Variants in SLC24A3 observed in about 807,000 individuals in gnomAD.
SLC24A3 encodes the protein sodium/potassium/calcium exchanger 3.
SLC24A3 carries 28 observed loss-of-function variants against 75.8 expected under a neutral mutation model. That is an observed-to-expected ratio of 0.37 (90% CI 0.27 to 0.51). The LOEUF (loss-of-function observed/expected upper bound fraction) is 0.51. Ranked by LOEUF, SLC24A3 falls within the 20% of genes least tolerant of loss-of-function variation. SLC24A3 has a pLI of 0.94. For synonymous variants in SLC24A3, 372 were observed against 334.1 expected (o/e 1.11, Z -1.24); for missense variants, 663 against 847.8 (o/e 0.78, Z 2.71).
chr20:19,696,411 T>C (rs1469837934), intron 13 of SLC24A3: 2 of 171,050 alleles, frequency 1.2e-5, no homozygotes, highest in Non-Finnish European at 2.5e-5. Context: ...CTCCCTGACA[T>C]GGACGCTCAA....
At chr20:19,672,763 T>G (rs1279764854) in intron 8 of SLC24A3, among the ~76,000 whole-genome samples, 2 of 152,196 alleles carry the variant, frequency 1.3e-5, no homozygotes, top group African/African-American at 4.8e-5. Context: ...GGAAAAACCC[T>G]TGTGTATGTA....
chr20:19,374,666 A>G (rs968391126), intron 2 of SLC24A3, among the ~76,000 whole-genome samples: 1 of 152,162 alleles, frequency 6.6e-6, no homozygotes. Flanking sequence ...TCTTTTCTCA[A>G]TGTGAAGCTC....
chr20:19,654,396 G>A (rs538687198), intron 7 of SLC24A3, among the ~76,000 whole-genome samples: 31 of 152,054 alleles, frequency 2.0e-4, no homozygotes, highest in African/African-American at 7.2e-4. Context: ...TGAGACCCTC[G>A]TGAGCATGGC....
chr20:19,666,404 G>A (rs538752339), intron 8 of SLC24A3, among the ~76,000 whole-genome samples: 47 of 152,144 alleles, frequency 3.1e-4, no homozygotes, highest in African/African-American at 1.0e-3. Context: ...TACTCAAGAG[G>A]CTGAGGCAGG....
rs1051752192 is a variant in SLC24A3, at chr20:19,689,011, A to T, written c.1324+3650A>T. 3.9e-5 allele frequency among the ~76,000 whole-genome samples: 6 copies of T among 152,318 alleles called. No homozygotes were observed. In the East Asian group the frequency reaches 1.2e-3, roughly 29 times the overall value. Reference sequence around the variant, plus strand: ...ATACATCTACACTTGGTATATGCACATACATACATATAAACGTGCAGCTAT... The same window carrying T: ...ATACATCTACACTTGGTATATGCACTTACATACATATAAACGTGCAGCTAT... On this transcript the variant is annotated intron_variant, in intron 12 of 16. Transcript: ENST00000328041.
intron 3 of SLC24A3, among the ~76,000 whole-genome samples, chr20:19,520,025 C>A (rs575976826): frequency 6.6e-6 from 1 of 152,140 alleles, no homozygotes; most frequent in South Asian, 2.1e-4. Context: ...CCTTGCTTTC[C>A]GATTTTTAAT....
chr20:19,291,615 A>C (rs1387756139), intron 2 of SLC24A3, among the ~76,000 whole-genome samples: 2 of 152,146 alleles, frequency 1.3e-5, no homozygotes, highest in Non-Finnish European at 2.9e-5. Flanking sequence ...TGTCTATAAT[A>C]GAACAATAAA....
intron 2 of SLC24A3, among the ~76,000 whole-genome samples, chr20:19,510,365 G>A (rs1988518583): frequency 6.6e-6 from 1 of 152,164 alleles, no homozygotes; most frequent in Non-Finnish European, 1.5e-5. Context: ...ACTCCCTTCT[G>A]CCACCTCCAC....
chr20:19,314,340 G>T (rs535919864), intron 2 of SLC24A3, among the ~76,000 whole-genome samples: 1 of 93,048 alleles, frequency 1.1e-5, no homozygotes, highest in East Asian at 2.6e-4. Flanking sequence ...TTGAGACAGG[G>T]TCTCAGTCCA....
Position 19,521,950 on chromosome 20 carries a change from G to C in SLC24A3, c.348+6386G>C, listed in dbSNP as rs184753641. 4.0e-4 allele frequency among the ~76,000 whole-genome samples: 61 copies of C among 151,928 alleles called. No homozygotes were observed. The East Asian group carries it at 5.8e-3, about 15-fold the overall frequency. ...TTTTTTTTCATGGTCTTTCAAGGATGTCTTTTCACTTTTTTGGCCCTAAGA... is the reference window on the plus strand; with the variant it reads ...TTTTTTTTCATGGTCTTTCAAGGATCTCTTTTCACTTTTTTGGCCCTAAGA... On this transcript the variant is annotated intron_variant, in intron 3 of 16. Transcript: ENST00000328041.
chr20:19,299,801 A>T (rs143498987), intron 2 of SLC24A3, among the ~76,000 whole-genome samples: 1 of 152,186 alleles, frequency 6.6e-6, no homozygotes, highest in South Asian at 2.1e-4. Flanking sequence ...TTCAGAGTCA[A>T]AAGAAAATGG....
intron 1 of SLC24A3, among the ~76,000 whole-genome samples, chr20:19,279,232 A>C (rs958122070): frequency 6.6e-6 from 1 of 152,238 alleles, no homozygotes; most frequent in Non-Finnish European, 1.5e-5. Context: ...TGGGTGCACC[A>C]TGTGGCCTTG....
At chr20:19,444,870 T>TTTGTTG (rs143149995) in intron 2 of SLC24A3, among the ~76,000 whole-genome samples, 1,719 of 151,558 alleles carry the variant, frequency 0.011, 32 homozygotes, top group African/African-American at 0.04. Flanking sequence ...TAATCGGCTT[T>TTTGTTG]TTGTTGTTGT....
intron 2 of SLC24A3, among the ~76,000 whole-genome samples, chr20:19,332,241 T>C (rs1985016013): frequency 6.6e-6 from 1 of 151,980 alleles, no homozygotes; most frequent in Non-Finnish European, 1.5e-5. Context: ...GTGTGGAGCT[T>C]GAATTGTAGT....
chr20:19,418,350 A>G (rs1986860392), intron 2 of SLC24A3, among the ~76,000 whole-genome samples: 1 of 152,172 alleles, frequency 6.6e-6, no homozygotes, highest in Non-Finnish European at 1.5e-5. Context: ...TCTTGGAAAT[A>G]AAAATATGTA....
At position 19,514,025 on chromosome 20, in the gene SLC24A3, T is replaced by C. The variant is rs529293333; in HGVS notation, c.272-1463T>C. ...ACTTTGGAAGGTGAGCCTTGCTTTA[T>C]GTACTAGACGTACCCTTTGGCCCAA... On this transcript the variant is annotated intron_variant, in intron 2 of 16. Coordinates refer to ENST00000328041, the MANE Select transcript of SLC24A3 (RefSeq NM_020689.4). Among the ~76,000 whole-genome samples, 6 of 152,356 alleles carry C rather than the reference T, an allele frequency of 3.9e-5. No individual in the cohort carries two copies. The East Asian group carries it at 7.7e-4, about 20-fold the overall frequency.
chr20:19,263,331 C>T (rs6045942), intron 1 of SLC24A3, among the ~76,000 whole-genome samples: 2,517 of 152,220 alleles, frequency 0.017, 66 homozygotes, highest in African/African-American at 0.056. Context: ...CAGCTAGGGG[C>T]ACACAGCCAA....
At chr20:19,716,421 CT>C (rs869192142) in intron 15 of SLC24A3, among the ~76,000 whole-genome samples, 2 of 10,702 alleles carry the variant, frequency 1.9e-4, no homozygotes, top group Non-Finnish European at 3.5e-4. Flanking sequence ...AAAACTGTTT[CT>C]TTTTTTTTCA....
rs1439783786 is a variant in SLC24A3 at position 19,721,339 on chromosome 20, C to T, written c.*199C>T. The T allele has an allele frequency of 1.4e-5, 8 of 570,744 alleles. No homozygotes were observed. Among genetic ancestry groups the T allele is most frequent in the East Asian group, 3.0e-5 (1 of 32,984 alleles). The allele number at this position is 570,744 out of a possible 1,614,324, so 35.4% of individuals were successfully genotyped here. A position where few individuals can be genotyped will look rare whatever the true frequency, so the allele number is the denominator to read the frequency against. ...CCCACCTCCTTGGGTCATGCCCACC[C>T]ACCCTTTCCTGCCTCCTCCGTGTGA... is the stretch of plus-strand genomic sequence containing the variant. On this transcript the variant is annotated 3_prime_UTR_variant, in exon 17 of 17. Transcript: ENST00000328041.
Sources: allele counts gnomAD v4.1 joint callset (sites outside exome capture counted in the v4.1 genomes callset), GRCh38; gene constraint gnomAD v4.1.1; transcripts MANE v1.5; gene names NCBI Gene and HGNC (gene_info 2026-07-23, HGNC 2026-07-21).